The following DAB1 variants were observed in gnomAD, a reference collection of about 807,000 sequenced individuals.
DAB1 encodes DAB adaptor protein 1.
DAB1 carries 15 observed loss-of-function variants against 64.6 expected under a neutral mutation model. That is an observed-to-expected ratio of 0.23 (90% CI 0.16 to 0.36). The LOEUF (loss-of-function observed/expected upper bound fraction) is 0.36. Ranked by LOEUF, DAB1 falls within the 10% of genes least tolerant of loss-of-function variation. The pLI, the probability that DAB1 is intolerant of heterozygous loss-of-function variation, is 1.00. For missense variants in DAB1, 596 were observed against 706.7 expected, an observed-to-expected ratio of 0.84 and a Z score of 1.78; for synonymous variants, 235 against 251.9, an observed-to-expected ratio of 0.93 and a Z score of 0.64.
In DAB1 at chr1:58,300,620, G is replaced by C. The variant is rs868378194; in HGVS notation, n.309+42732C>G. ...AGAAAGAAAGAAAGAAAGAGAGAGA[G>C]AGAGAGAGAGAGAGAGAGAGAGAGA... On this transcript the variant is annotated intron_variant and non_coding_transcript_variant, in intron 4 of 20. Coordinates refer to the DAB1 transcript ENST00000485760. Among the ~76,000 whole-genome samples, 5 of 42,274 alleles carry C rather than the reference G, an allele frequency of 1.2e-4. 1 individual carries two copies. The highest frequency in any genetic ancestry group is 2.8e-4 in the Non-Finnish European group (5 of 17,796). 27.7% of individuals were successfully genotyped at this position (42,274 alleles called of 152,430 possible).
chr1:57,089,235 A>T (rs573529645), intron 4 of DAB1, among the ~76,000 whole-genome samples: 1 of 152,330 alleles, frequency 6.6e-6, no homozygotes, highest in South Asian at 2.1e-4. Context: ...TGAGGGAATA[A>T]CTTCTCTGTT....
At chr1:58,294,972 G>A (rs543871952) in intron 4 of DAB1, among the ~76,000 whole-genome samples, 44 of 151,470 alleles carry the variant, frequency 2.9e-4, no homozygotes, top group Non-Finnish European at 3.4e-4. Flanking sequence ...GATAAGAGAG[G>A]ATTCATGTTC....
intron 4 of DAB1, among the ~76,000 whole-genome samples, chr1:57,113,741 T>C (rs1365084287): frequency 6.6e-6 from 1 of 152,206 alleles, no homozygotes; most frequent in African/African-American, 2.4e-5. Flanking sequence ...ATTGTAGTTT[T>C]GTCAACTCTG....
intron 7 of DAB1, among the ~76,000 whole-genome samples, chr1:57,612,723 A>G (rs765235139): frequency 6.6e-5 from 10 of 152,184 alleles, no homozygotes; most frequent in Non-Finnish European, 1.3e-4. Flanking sequence ...TAATAAATTC[A>G]CATTGTTTTG....
chr1:57,901,985 ATC>A (rs777795725), intron 5 of DAB1, among the ~76,000 whole-genome samples: 1 of 151,938 alleles, frequency 6.6e-6, no homozygotes, highest in Non-Finnish European at 1.5e-5. Flanking sequence ...GCAAAACCCC[ATC>A]TCTACAAAAA....
chr1:57,351,977 C>G lies in DAB1; in HGVS notation c.-136-60811G>C, dbSNP rs1678627164. Among the ~76,000 whole-genome samples, 3 of 152,230 alleles carry G rather than the reference C, an allele frequency of 2.0e-5. No individual in the cohort carries two copies. The East Asian group carries it at 5.8e-4, about 29-fold the overall frequency. The stretch of plus-strand genomic sequence containing the variant: ...AAGAAAATGAAGCAAAGTAGAGAAA[C>G]AATCAAAACTAAATGCAAAACATGA... On this transcript the variant is annotated intron_variant, in intron 1 of 14. Transcript: ENST00000371236.
chr1:57,582,151 A>AT (rs1645321028), intron 7 of DAB1, among the ~76,000 whole-genome samples: 2 of 152,150 alleles, frequency 1.3e-5, no homozygotes, highest in Non-Finnish European at 2.9e-5. Flanking sequence ...GTATTAGTCC[A>AT]TTTTCACACT....
intron 1 of DAB1, among the ~76,000 whole-genome samples, chr1:57,342,653 G>A (rs1307696555): frequency 1.3e-5 from 2 of 152,196 alleles, no homozygotes; most frequent in African/African-American, 4.8e-5. Context: ...CTGGCAGTGA[G>A]TGTTACAGTT....
intron 4 of DAB1, among the ~76,000 whole-genome samples, chr1:58,166,832 G>GC (rs910869304): frequency 6.7e-6 from 1 of 148,458 alleles, no homozygotes; most frequent in African/African-American, 2.5e-5. Context: ...TGCAACCTCC[G>GC]CCCCCCAGGT....
chr1:57,594,284 T>G (rs1339153132), intron 7 of DAB1, among the ~76,000 whole-genome samples: 1 of 152,160 alleles, frequency 6.6e-6, no homozygotes. Flanking sequence ...GAAAGCACAC[T>G]CATTTTTCAA....
chr1:57,744,146 T>C (rs1648145681), intron 6 of DAB1, among the ~76,000 whole-genome samples: 1 of 152,204 alleles, frequency 6.6e-6, no homozygotes, highest in African/African-American at 2.4e-5. Flanking sequence ...GGCAGGATTT[T>C]GGGGGGCTTG....
At chr1:58,301,045 T>C (rs1272487675) in intron 4 of DAB1, among the ~76,000 whole-genome samples, 5 of 152,110 alleles carry the variant, frequency 3.3e-5, no homozygotes, top group South Asian at 4.2e-4. Context: ...TTAGTGGCCA[T>C]GAATAGAGGG....
chr1:58,224,907 A>T (rs2100334054), intron 4 of DAB1, among the ~76,000 whole-genome samples: 1 of 152,288 alleles, frequency 6.6e-6, no homozygotes, highest in South Asian at 2.1e-4. Context: ...ATGGGCAAGG[A>T]CTTCATGTCT....
chr1:57,641,789 A>C (rs1524709), intron 7 of DAB1, among the ~76,000 whole-genome samples: 121,592 of 152,000 alleles, frequency 0.8, 48,857 homozygotes, highest in Non-Finnish European at 0.84. Context: ...TTTCCTTTGC[A>C]GTCTCATTAT....
chr1:57,709,312 T>G (rs1001623243), intron 6 of DAB1, among the ~76,000 whole-genome samples: 22 of 152,238 alleles, frequency 1.4e-4, no homozygotes, highest in Non-Finnish European at 2.4e-4. Context: ...TAGTTTACAT[T>G]GGTAGAAATT....
chr1:58,446,716 T>C (rs1288360798), intron 3 of DAB1, among the ~76,000 whole-genome samples: 1 of 152,230 alleles, frequency 6.6e-6, no homozygotes, highest in Non-Finnish European at 1.5e-5. Flanking sequence ...TTTGAGCCTG[T>C]AATTTTTATT....
intron 9 of DAB1, among the ~76,000 whole-genome samples, chr1:57,049,390 G>A (rs959411926): frequency 5.1e-5 from 7 of 135,956 alleles, no homozygotes; most frequent in African/African-American, 1.9e-4. Flanking sequence ...GGCAGAGGTT[G>A]CAGTGAGCAG....
chr1:57,322,222 C>T (rs1250270756), intron 1 of DAB1, among the ~76,000 whole-genome samples: 3 of 152,186 alleles, frequency 2.0e-5, no homozygotes, highest in Non-Finnish European at 1.5e-5. Context: ...ACAATGCTCA[C>T]TAAATCCTCA....
In DAB1 at chr1:57,732,020, G is replaced by A. The variant is rs1389647591; in HGVS notation, n.552-82355C>T. On this transcript the variant is annotated intron_variant and non_coding_transcript_variant, in intron 6 of 20. Coordinates refer to the DAB1 transcript ENST00000485760. Reference sequence around the variant, plus strand: ...TGTGATTTTTAAGATAAGGGTATGGGTAGGGAAGGGCATTCTGGAATGAGA... The same window carrying A: ...TGTGATTTTTAAGATAAGGGTATGGATAGGGAAGGGCATTCTGGAATGAGA... Among the ~76,000 whole-genome samples the A allele has an allele frequency of 3.9e-5, 6 of 152,278 alleles. No homozygotes were observed. In the East Asian group the frequency reaches 9.7e-4, roughly 24 times the overall value.
Sources: allele counts gnomAD v4.1 joint callset (sites outside exome capture counted in the v4.1 genomes callset), GRCh38; gene constraint gnomAD v4.1.1; transcripts MANE v1.5; gene names NCBI Gene and HGNC (gene_info 2026-07-23, HGNC 2026-07-21).